Variants in NFKB1 observed in about 807,000 individuals in gnomAD.
NFKB1 encodes nuclear factor kappa B subunit 1.
In NFKB1, 9 loss-of-function variants were observed where a neutral mutation model predicts 105.1. That is an observed-to-expected ratio of 0.09 (90% CI 0.05 to 0.15). NFKB1 has a LOEUF of 0.15. Ranked by LOEUF, NFKB1 falls within the 10% of genes least tolerant of loss-of-function variation. The probability of loss-of-function intolerance (pLI) is 1.00; values close to 1 mark genes in which losing one functional copy is unlikely to be tolerated. For synonymous variants in NFKB1, 440 were observed against 442.2 expected (o/e 1.00, Z 0.06); for missense variants, 830 against 1,203.7 (o/e 0.69, Z 4.59).
At chr4:102,577,854 C>T in intron 7 of NFKB1, 1 of 985,482 alleles carries the variant, frequency 1.0e-6, no homozygotes, top group South Asian at 4.7e-5. Context: ...TAGTCTTCTC[C>T]CTGGTCTCTG....
At chr4:102,605,523 A>T (rs1727635527) in intron 16 of NFKB1, among the ~76,000 whole-genome samples, 1 of 152,240 alleles carries the variant, frequency 6.6e-6, no homozygotes, top group Admixed American at 6.5e-5. Flanking sequence ...TTGTATAAAG[A>T]TACATTGCTG....
At chr4:102,542,281 G>C (rs1742044538) in intron 5 of NFKB1, among the ~76,000 whole-genome samples, 1 of 152,072 alleles carries the variant, frequency 6.6e-6, no homozygotes. Context: ...TGAACCATCT[G>C]GTGCTCTGCC....
chr4:102,519,833 G>C (rs1184313435), intron 1 of NFKB1, among the ~76,000 whole-genome samples: 1 of 152,150 alleles, frequency 6.6e-6, no homozygotes, highest in Non-Finnish European at 1.5e-5. Context: ...TCTTATCTAG[G>C]ACATTGGTTC....
chr4:102,611,028 G>A (rs1300585861), intron 20 of NFKB1, among the ~76,000 whole-genome samples: 1 of 152,168 alleles, frequency 6.6e-6, no homozygotes, highest in Non-Finnish European at 1.5e-5. Context: ...CTGAAGCTAG[G>A]ATAAATGTTA....
chr4:102,562,776 A>G (rs1008077199), intron 5 of NFKB1, among the ~76,000 whole-genome samples: 2 of 152,176 alleles, frequency 1.3e-5, no homozygotes, highest in Non-Finnish European at 1.5e-5. Context: ...ACTTTACCAC[A>G]TTGTTCTGCT....
intron 3 of NFKB1, among the ~76,000 whole-genome samples, chr4:102,532,181 C>A (rs1741333745): frequency 6.6e-6 from 1 of 151,950 alleles, no homozygotes; most frequent in Non-Finnish European, 1.5e-5. Flanking sequence ...AGTGACTCCC[C>A]CTTTTTTTTC....
At chr4:102,525,410 A>C in intron 1 of NFKB1, 102 bp from the exon 2 acceptor site, 2 of 1,056,758 alleles carry the variant, frequency 1.9e-6, no homozygotes, top group African/African-American at 1.6e-5. Flanking sequence ...ATTTGGTCTT[A>C]CTGGTATAAT....
At chr4:102,509,125 A>C (rs949899066) in intron 1 of NFKB1, among the ~76,000 whole-genome samples, 1 of 152,226 alleles carries the variant, frequency 6.6e-6, no homozygotes, top group African/African-American at 2.4e-5. Flanking sequence ...CTGGGAAATT[A>C]AAATCAAAAG....
intron 5 of NFKB1, among the ~76,000 whole-genome samples, chr4:102,551,316 A>T (rs1578751692): frequency 6.6e-6 from 1 of 151,446 alleles, no homozygotes; most frequent in Middle Eastern, 3.4e-3. Context: ...GATTTGCTGG[A>T]GGAATCCCTC....
At chr4:102,548,778 T>TC (rs1008261018) in intron 5 of NFKB1, among the ~76,000 whole-genome samples, 8 of 152,252 alleles carry the variant, frequency 5.3e-5, no homozygotes, top group African/African-American at 1.9e-4. Flanking sequence ...AATTTCTGTC[T>TC]CCATCTTCAC....
intron 5 of NFKB1, among the ~76,000 whole-genome samples, chr4:102,551,071 C>A (rs766038924): frequency 1.3e-5 from 2 of 152,094 alleles, no homozygotes; most frequent in Non-Finnish European, 2.9e-5. Flanking sequence ...TTCAGACACC[C>A]GAATCCATCT....
chr4:102,561,069 A>G (rs547372127), intron 5 of NFKB1, among the ~76,000 whole-genome samples: 2 of 152,290 alleles, frequency 1.3e-5, no homozygotes, highest in South Asian at 4.1e-4. Flanking sequence ...GAAAGAAGAG[A>G]CTAACTTTAC....
intron 5 of NFKB1, among the ~76,000 whole-genome samples, chr4:102,549,659 G>T (rs1378338066): frequency 1.3e-5 from 2 of 151,860 alleles, no homozygotes; most frequent in East Asian, 3.9e-4. Flanking sequence ...TGGATGTCTG[G>T]TAGACTTAAC....
At chr4:102,531,792 C>T (rs1415129631) in intron 3 of NFKB1, among the ~76,000 whole-genome samples, 3 of 152,124 alleles carry the variant, frequency 2.0e-5, no homozygotes, top group Admixed American at 6.6e-5. Context: ...TTAAATCCTA[C>T]AGGAAAAATA....
intron 16 of NFKB1, among the ~76,000 whole-genome samples, chr4:102,602,852 A>T (rs1727315698): frequency 6.6e-6 from 1 of 152,158 alleles, no homozygotes; most frequent in African/African-American, 2.4e-5. Context: ...TTTTGGGGTC[A>T]TTGGTATCCG....
In NFKB1 at chr4:102,566,999, G is replaced by A; in HGVS notation, c.271G>A (p.Val91Met). ...GCTTCTTATATAGATCTGCAACTAT[G>A]TGGGACCAGCAAAGGTTATTGTTCA... is the stretch of plus-strand genomic sequence containing the variant. ...SYPQVKICNYVGPAKVIVQLV... is the reference protein window; with the variant it reads ...SYPQVKICNYMGPAKVIVQLV... Residue 91 changes from valine (V) to methionine (M), a missense_variant, in exon 6 of 24, where the codon GTG becomes ATG. Val to Met is a conservative substitution (Grantham distance 21, BLOSUM62 1). Coordinates refer to ENST00000226574, the MANE Select transcript of NFKB1 (RefSeq NM_003998.4). The A allele has an allele frequency of 6.2e-7, 1 of 1,613,910 alleles. No individual in the cohort carries two copies.
At chr4:102,582,443 T>G (rs886947407) in intron 9 of NFKB1, among the ~76,000 whole-genome samples, 3 of 152,212 alleles carry the variant, frequency 2.0e-5, no homozygotes, top group Admixed American at 6.5e-5. Flanking sequence ...TATGAAGCAC[T>G]TAGAATAGCA....
intron 5 of NFKB1, among the ~76,000 whole-genome samples, chr4:102,539,380 T>C (rs577826789): frequency 6.6e-6 from 1 of 152,298 alleles, no homozygotes; most frequent in African/African-American, 2.4e-5. Context: ...AGACAAAATG[T>C]TGTGACGTCG....
At chr4:102,515,034 A>G (rs1248212953) in intron 1 of NFKB1, among the ~76,000 whole-genome samples, 1 of 151,552 alleles carries the variant, frequency 6.6e-6, no homozygotes, top group African/African-American at 2.4e-5. Flanking sequence ...CTTGTTTTTT[A>G]AAAATCCAGT....
Sources: gnomAD v4.1 joint callset for allele counts (sites outside exome capture counted in the v4.1 genomes callset) on GRCh38, gnomAD v4.1.1 for gene constraint, MANE v1.5 for transcripts, NCBI Gene and HGNC (gene_info 2026-07-23, HGNC 2026-07-21) for gene names.